NCALD: variants seen among roughly 807,000 people sequenced by gnomAD.
The protein encoded by NCALD is neurocalcin-delta.
NCALD carries 10 observed loss-of-function variants against 18.6 expected under a neutral mutation model. That is an observed-to-expected ratio of 0.54 (90% CI 0.33 to 0.91). The LOEUF is 0.91. NCALD is among the 40% of genes least tolerant of loss of function. The probability of loss-of-function intolerance (pLI) is 0.03; values close to 1 mark genes in which losing one functional copy is unlikely to be tolerated. For synonymous variants in NCALD, 88 were observed against 87.4 expected (o/e 1.01, Z -0.04); for missense variants, 184 against 247.6 (o/e 0.74, Z 1.72).
intron 1 of NCALD, among the ~76,000 whole-genome samples, chr8:101,737,049 T>TA (rs1809953393): frequency 6.6e-6 from 1 of 152,080 alleles, no homozygotes; most frequent in Admixed American, 6.6e-5. Flanking sequence ...AACTAATTTT[T>TA]AAAAAACACA....
chr8:102,113,615 A>G (rs913381828), intron 1 of NCALD, among the ~76,000 whole-genome samples: 2 of 152,252 alleles, frequency 1.3e-5, no homozygotes, highest in Admixed American at 6.5e-5. Context: ...CTTAAGTAGA[A>G]TAACTATGTT....
chr8:102,085,335 T>C (rs574516348), intron 1 of NCALD, among the ~76,000 whole-genome samples: 10 of 152,150 alleles, frequency 6.6e-5, no homozygotes, highest in Admixed American at 5.9e-4. Context: ...CATCTGGGAG[T>C]TCCCAGTCAC....
rs926412480 is a variant in NCALD, at chr8:101,691,460, T to C, written c.484+1331A>G. Reference sequence around the variant, plus strand: ...ACACAGTTAGGGCTTTAGGGCTTTATCCTGTGACATCTGATCTTCTCCCAT... The same window carrying C: ...ACACAGTTAGGGCTTTAGGGCTTTACCCTGTGACATCTGATCTTCTCCCAT... On this transcript the variant is annotated intron_variant, in intron 3 of 3. Transcript: ENST00000220931. 5.1e-6 allele frequency: 5 copies of C among 985,198 alleles called. No individual in the cohort carries two copies. The African/African-American group carries it at 7.0e-5, about 14-fold the overall frequency. 61.0% of individuals were successfully genotyped at this position (985,198 alleles called of 1,614,324 possible). A position where few individuals can be genotyped will look rare whatever the true frequency, so the allele number is the denominator to read the frequency against.
intron 2 of NCALD, among the ~76,000 whole-genome samples, chr8:102,004,322 G>A (rs1821607305): frequency 6.6e-6 from 1 of 152,146 alleles, no homozygotes; most frequent in Non-Finnish European, 1.5e-5. Flanking sequence ...CAACTTACAA[G>A]GGATGTGAAG....
intron 1 of NCALD, among the ~76,000 whole-genome samples, chr8:101,730,616 G>C (rs1816786463): frequency 6.6e-6 from 1 of 151,528 alleles, no homozygotes; most frequent in Admixed American, 6.6e-5. Context: ...ATTGAGCACT[G>C]CCCTTGTGCT....
At chr8:102,029,091 G>A (rs1191240025) in intron 1 of NCALD, 5 of 152,140 alleles carry the variant, frequency 3.3e-5, no homozygotes, top group Non-Finnish European at 7.3e-5. Context: ...AATAATGATA[G>A]GATCTCTGCA....
intron 3 of NCALD, among the ~76,000 whole-genome samples, chr8:101,897,441 C>A (rs1485493030): frequency 6.7e-6 from 1 of 149,514 alleles, no homozygotes; most frequent in East Asian, 2.0e-4. Flanking sequence ...GGGTGCAGTG[C>A]ACCAGCATGG....
At chr8:102,046,708 A>G (rs1277053193) in intron 1 of NCALD, among the ~76,000 whole-genome samples, 3 of 151,516 alleles carry the variant, frequency 2.0e-5, no homozygotes, top group East Asian at 1.9e-4. Flanking sequence ...TTTGCCATCC[A>G]TCTCAAGCAA....
chr8:102,031,230 T>C (rs1484617615), intron 1 of NCALD, among the ~76,000 whole-genome samples: 1 of 152,014 alleles, frequency 6.6e-6, no homozygotes, highest in Non-Finnish European at 1.5e-5. Flanking sequence ...TATGAGAAAC[T>C]CTACAAGTCA....
intron 4 of NCALD, among the ~76,000 whole-genome samples, chr8:101,885,428 T>G (rs755577809): frequency 1.6e-4 from 24 of 152,240 alleles, no homozygotes; most frequent in Non-Finnish European, 2.1e-4. Context: ...GGAAAGCCCC[T>G]GTTAGGAAGT....
At chr8:101,726,819 T>C (rs1297410378) in intron 1 of NCALD, among the ~76,000 whole-genome samples, 1 of 152,106 alleles carries the variant, frequency 6.6e-6, no homozygotes, top group African/African-American at 2.4e-5. Flanking sequence ...TGAATGTGGA[T>C]AGAAAAGCAC....
At chr8:101,754,624 C>T (rs1229602955) in intron 1 of NCALD, among the ~76,000 whole-genome samples, 1 of 152,094 alleles carries the variant, frequency 6.6e-6, no homozygotes, top group Admixed American at 6.6e-5. Context: ...AATACCATCA[C>T]CTTAGGGGTT....
intron 3 of NCALD, among the ~76,000 whole-genome samples, chr8:101,905,790 T>G (rs1817592696): frequency 6.6e-6 from 1 of 152,218 alleles, no homozygotes; most frequent in Non-Finnish European, 1.5e-5. Flanking sequence ...TGGTCTCCTC[T>G]ATGCACCCCA....
At chr8:101,697,065 AAAAG>A (rs1309524750) in intron 2 of NCALD, among the ~76,000 whole-genome samples, 2 of 152,162 alleles carry the variant, frequency 1.3e-5, no homozygotes, top group African/African-American at 4.8e-5. Flanking sequence ...AATAAAGAAG[AAAAG>A]AGAGAATAAT....
At chr8:101,740,251 C>T (rs1453542396) in intron 1 of NCALD, among the ~76,000 whole-genome samples, 1 of 152,228 alleles carries the variant, frequency 6.6e-6, no homozygotes, top group Non-Finnish European at 1.5e-5. Context: ...TGTGCAGGCA[C>T]TAGACCAGCT....
At chr8:101,919,876 A>G (rs75977473) in intron 2 of NCALD, among the ~76,000 whole-genome samples, 14,835 of 152,194 alleles carry the variant, frequency 0.097, 816 homozygotes, top group East Asian at 0.2. Context: ...AAGAAGTCAA[A>G]AAACAAAAGA....
intron 4 of NCALD, among the ~76,000 whole-genome samples, chr8:101,806,686 G>T (rs1301533430): frequency 1.3e-5 from 2 of 152,044 alleles, no homozygotes; most frequent in Non-Finnish European, 2.9e-5. Context: ...GAAAAAGAAT[G>T]AAGAAAATGA....
intron 2 of NCALD, among the ~76,000 whole-genome samples, chr8:101,937,365 C>T (rs1051476025): frequency 1.3e-5 from 2 of 152,086 alleles, no homozygotes; most frequent in African/African-American, 2.4e-5. Flanking sequence ...AAGTAGAACC[C>T]AGTGTCTGTT....
At chr8:101,770,525 G>T (rs776770494) in intron 1 of NCALD, among the ~76,000 whole-genome samples, 4 of 152,170 alleles carry the variant, frequency 2.6e-5, no homozygotes, top group Non-Finnish European at 5.9e-5. Flanking sequence ...GCAAACTCCT[G>T]GGGGGGCTTC....
Sources: gnomAD v4.1 joint callset for allele counts (sites outside exome capture counted in the v4.1 genomes callset) on GRCh38, gnomAD v4.1.1 for gene constraint, MANE v1.5 for transcripts, NCBI Gene and HGNC (gene_info 2026-07-23, HGNC 2026-07-21) for gene names.